Variants in RHOT1 observed in about 807,000 individuals in gnomAD.
RHOT1 encodes the protein ras homolog family member T1, also known as mitochondrial Rho GTPase 1.
In RHOT1, 27 loss-of-function variants were observed where a neutral mutation model predicts 95.3. The observed-to-expected ratio is 0.28, with a 90% CI of 0.21 to 0.39. The LOEUF (loss-of-function observed/expected upper bound fraction) is 0.39. RHOT1 is among the 10% of genes least tolerant of loss of function. The pLI is 1.00. For missense variants in RHOT1, 578 were observed against 786.7 expected (o/e 0.73, Z 3.17); for synonymous variants, 227 against 263.5 (o/e 0.86, Z 1.34).
chr17:32,211,857 T>C (rs1412459414), intron 19 of RHOT1, among the ~76,000 whole-genome samples: 1 of 152,016 alleles, frequency 6.6e-6, no homozygotes, highest in African/African-American at 2.4e-5. Context: ...GCCTTTATAA[T>C]TGAACCAAAA....
At chr17:32,179,961 C>T (rs1312686715) in intron 6 of RHOT1, 2 of 142,422 alleles carry the variant, frequency 1.4e-5, no homozygotes, top group Non-Finnish European at 3.0e-5. Context: ...GTGAGGAGCA[C>T]CTCTGCCCGG....
chr17:32,182,815 A>G lies in RHOT1; in HGVS notation c.388A>G (p.Thr130Ala), dbSNP rs2035748959. Residue 130 changes from threonine (T) to alanine (A), a missense_variant, in exon 7 of 20, where the codon ACC becomes GCC. Transcript: ENST00000545287. Reference protein sequence around the residue: ...SDLVEYSSMETILPIMNQYTE... With the variant: ...SDLVEYSSMEAILPIMNQYTE... The stretch of plus-strand genomic sequence containing the variant: ...TCTGGTGGAATATAGTAGTATGGAG[A>G]CCATCCTTCCTATTATGAACCAGTA... 3 of 1,607,904 alleles carry G rather than the reference A, an allele frequency of 1.9e-6. No individual in the cohort carries two copies. The highest frequency in any genetic ancestry group is 2.6e-6 in the Non-Finnish European group (3 of 1,175,886).
chr17:32,224,786 G>T lies in RHOT1; in HGVS notation c.*53G>T. The stretch of plus-strand genomic sequence containing the variant: ...AAACAAATACTTTTATGTACATTCT[G>T]AATGCTTTAAGTTCTGCTAGAATTA... On this transcript the variant is annotated 3_prime_UTR_variant, in exon 20 of 20. Coordinates refer to ENST00000545287, the MANE Select transcript of RHOT1 (RefSeq NM_001033566.3). 2 of 1,065,300 alleles carry T rather than the reference G, an allele frequency of 1.9e-6. No homozygotes were observed. The highest frequency in any genetic ancestry group is 2.8e-6 in the Non-Finnish European group (2 of 704,882). The allele number at this position is 1,065,300 out of a possible 1,614,324, so 66.0% of individuals were successfully genotyped here. A position where few individuals can be genotyped will look rare whatever the true frequency, so the allele number is the denominator to read the frequency against.
chr17:32,200,085 A>G (rs964651544), intron 13 of RHOT1, among the ~76,000 whole-genome samples: 4 of 151,786 alleles, frequency 2.6e-5, no homozygotes, highest in African/African-American at 9.7e-5. Flanking sequence ...CACTCAGCAC[A>G]TTGTGGACAT....
chr17:32,204,120 TCTCA>T (rs2037528017), intron 16 of RHOT1, 147 bp downstream of exon 16: 2 of 618,512 alleles, frequency 3.2e-6, no homozygotes, highest in Non-Finnish European at 2.7e-6. Flanking sequence ...AGAGACACGG[TCTCA>T]CTATGTTGCC....
chr17:32,190,075 G>A (rs1450051807), intron 8 of RHOT1, among the ~76,000 whole-genome samples: 1 of 151,894 alleles, frequency 6.6e-6, no homozygotes, highest in Middle Eastern at 3.4e-3. Flanking sequence ...CTTTTTTGGT[G>A]TTACATTTTC....
intron 19 of RHOT1, chr17:32,221,121 A>G: frequency 1.2e-6 from 1 of 868,550 alleles, no homozygotes; most frequent in Non-Finnish European, 1.4e-6. Flanking sequence ...TAATCTCAGC[A>G]CTTTCGGAAG....
intron 19 of RHOT1, chr17:32,221,119 G>T: frequency 3.4e-6 from 3 of 888,154 alleles, no homozygotes; most frequent in Non-Finnish European, 4.0e-6. Flanking sequence ...TGTAATCTCA[G>T]CACTTTCGGA....
intron 6 of RHOT1, among the ~76,000 whole-genome samples, chr17:32,178,603 GCCC>G (rs2142587067): frequency 6.6e-6 from 1 of 152,226 alleles, no homozygotes; most frequent in African/African-American, 2.4e-5. Flanking sequence ...GCCTCTGCCC[GCCC>G]GCCACCCCGT....
intron 19 of RHOT1, 96 bp from the exon 20 acceptor site, chr17:32,224,520 G>A (rs932924971): frequency 1.3e-6 from 1 of 748,842 alleles, no homozygotes; most frequent in Non-Finnish European, 2.2e-6. Context: ...CTTGACAAGT[G>A]TGCTAATACT....
At chr17:32,174,945 G>C (rs2034874595) in intron 3 of RHOT1, among the ~76,000 whole-genome samples, 1 of 152,146 alleles carries the variant, frequency 6.6e-6, no homozygotes, top group African/African-American at 2.4e-5. Context: ...GTATTACCCA[G>C]AATCTCACCT....
chr17:32,193,839 T>G, intron 10 of RHOT1, 148 bp from the exon 11 acceptor site: 117 of 947,334 alleles, frequency 1.2e-4, no homozygotes, highest in Non-Finnish European at 1.7e-4. Flanking sequence ...TCTGTTTCAT[T>G]GAGATACTTG....
intron 14 of RHOT1, 116 bp downstream of exon 14, chr17:32,201,172 ATTAG>A: frequency 1.8e-6 from 1 of 563,564 alleles, no homozygotes; most frequent in Non-Finnish European, 3.1e-6. Context: ...TCTACACTCT[ATTAG>A]TTTTCCTTGT....
intron 8 of RHOT1, among the ~76,000 whole-genome samples, chr17:32,187,616 G>A (rs892825779): frequency 2.0e-5 from 3 of 151,974 alleles, no homozygotes; most frequent in South Asian, 2.1e-4. Flanking sequence ...ATGGAGTCTC[G>A]CTCTGTTGCC....
chr17:32,161,986 C>T (rs965680189), intron 1 of RHOT1, among the ~76,000 whole-genome samples: 5 of 152,216 alleles, frequency 3.3e-5, no homozygotes, highest in African/African-American at 1.2e-4. Context: ...GGTGCACCAC[C>T]TTCCTGGTAC....
chr17:32,165,367 A>G (rs1466948017), intron 1 of RHOT1, among the ~76,000 whole-genome samples: 1 of 146,126 alleles, frequency 6.8e-6, no homozygotes, highest in Non-Finnish European at 1.5e-5. Context: ...AAAAAACAAT[A>G]CAAAAATTAG....
Position 32,211,204 on chromosome 17 carries a change from G to A in RHOT1, c.1828G>A (p.Val610Ile). 1.2e-6 allele frequency: 2 copies of A among 1,611,868 alleles called. No homozygotes were observed. Among genetic ancestry groups the A allele is most frequent in the Non-Finnish European group, 1.7e-6 (2 of 1,178,420 alleles). ...NFLNSDLLQS[V>I]KNKIFTAVLN... ...CCTCAACTCAGACTTGCTGCAATCTGTAAAGAACAAAATCTTCACTGCAGT... is the reference window on the plus strand; with the variant it reads ...CCTCAACTCAGACTTGCTGCAATCTATAAAGAACAAAATCTTCACTGCAGT... The change falls in exon 19 of 20, where the codon GTA becomes ATA. Residue 610 changes from valine (V) to isoleucine (I), a missense_variant. Val to Ile is a conservative substitution (Grantham distance 29). Coordinates refer to ENST00000545287, the MANE Select transcript of RHOT1 (RefSeq NM_001033566.3).
At chr17:32,158,052 C>T (rs756505568) in intron 1 of RHOT1, among the ~76,000 whole-genome samples, 9 of 152,130 alleles carry the variant, frequency 5.9e-5, no homozygotes, top group Non-Finnish European at 1.2e-4. Flanking sequence ...GACAGAATCT[C>T]GCCACATTGC....
At chr17:32,203,061 T>C (rs544805304) in intron 15 of RHOT1, among the ~76,000 whole-genome samples, 161 bp downstream of exon 15, 1 of 152,278 alleles carries the variant, frequency 6.6e-6, no homozygotes, top group Admixed American at 6.5e-5. Context: ...TGTTGAACTG[T>C]CTTTGTTTCA....
Sources: gnomAD v4.1 joint callset for allele counts (sites outside exome capture counted in the v4.1 genomes callset) on GRCh38, gnomAD v4.1.1 for gene constraint, MANE v1.5 for transcripts, NCBI Gene and HGNC (gene_info 2026-07-23, HGNC 2026-07-21) for gene names.